SEMA6D: variants seen among roughly 807,000 people sequenced by gnomAD.
SEMA6D encodes semaphorin-6D.
SEMA6D carries 35 observed loss-of-function variants against 106.6 expected under a neutral mutation model. The ratio of observed to expected loss-of-function variants is 0.33; its 90% CI spans 0.25 to 0.44. The LOEUF is 0.44. Ranked by LOEUF, SEMA6D falls within the 20% of genes least tolerant of loss-of-function variation. The probability of loss-of-function intolerance (pLI) is 1.00; values close to 1 mark genes in which losing one functional copy is unlikely to be tolerated. For missense variants in SEMA6D, 1,185 were observed against 1,345.9 expected (o/e 0.88, Z 1.87); for synonymous variants, 499 against 487.7 (o/e 1.02, Z -0.31).
chr15:47,711,500 A>C lies in SEMA6D; in HGVS notation c.-54-48245A>C, dbSNP rs148866060. ...TCTAGGACATAAATGAACCCCCCGT[A>C]ACTGGGACTGGTGGAGGGAGCACTT... is the stretch of plus-strand genomic sequence containing the variant. On this transcript the variant is annotated intron_variant, in intron 4 of 19. Coordinates refer to the SEMA6D transcript ENST00000558014. 6.7e-3 allele frequency among the ~76,000 whole-genome samples: 1,018 copies of C among 152,232 alleles called. 15 individuals carry two copies. The highest frequency in any genetic ancestry group is 0.023 in the African/African-American group (970 of 41,520).
intron 3 of SEMA6D, among the ~76,000 whole-genome samples, chr15:47,558,715 A>C (rs927500704): frequency 3.9e-5 from 6 of 152,136 alleles, no homozygotes; most frequent in Non-Finnish European, 7.4e-5. Context: ...AATCTATGAG[A>C]CATGGAAAAT....
chr15:47,469,732 T>C (rs551123643), intron 2 of SEMA6D, among the ~76,000 whole-genome samples: 127 of 152,182 alleles, frequency 8.3e-4, no homozygotes, highest in Non-Finnish European at 1.4e-3. Context: ...CTCCCAGGTA[T>C]GCTTACCTCC....
intron 1 of SEMA6D, among the ~76,000 whole-genome samples, chr15:47,741,840 G>A (rs1009740541): frequency 1.3e-5 from 2 of 152,166 alleles, no homozygotes; most frequent in African/African-American, 4.8e-5. Flanking sequence ...ATAAGCCATA[G>A]ATCCTGCCTT....
chr15:47,647,837 G>T (rs2077611345), intron 4 of SEMA6D, among the ~76,000 whole-genome samples: 1 of 151,928 alleles, frequency 6.6e-6, no homozygotes, highest in African/African-American at 2.4e-5. Flanking sequence ...ATACATATTT[G>T]CTCAGAAACA....
chr15:47,389,468 T>C lies in SEMA6D; in HGVS notation c.-238-22925T>C, dbSNP rs140211044. 9.2e-5 allele frequency among the ~76,000 whole-genome samples: 14 copies of C among 152,202 alleles called. No homozygotes were observed. The East Asian group carries it at 2.5e-3, about 27-fold the overall frequency. The stretch of plus-strand genomic sequence containing the variant: ...TCACTGAAATGCTTTGACCCACTTA[T>C]TCCATTTCTAGGAATCCACTCACTC... On this transcript the variant is annotated intron_variant, in intron 1 of 19. Transcript: ENST00000558014.
At chr15:47,296,106 A>G (rs940257267) in intron 1 of SEMA6D, among the ~76,000 whole-genome samples, 1 of 152,196 alleles carries the variant, frequency 6.6e-6, no homozygotes, top group Non-Finnish European at 1.5e-5. Flanking sequence ...TAGTTTAGTT[A>G]AAGACTTGCA....
intron 1 of SEMA6D, among the ~76,000 whole-genome samples, chr15:47,758,690 C>T (rs2081903639): frequency 6.6e-6 from 1 of 152,082 alleles, no homozygotes; most frequent in Admixed American, 6.6e-5. Context: ...TATGAAGCAT[C>T]ACTTCAATAA....
Position 47,435,439 on chromosome 15 carries a change from A to G in SEMA6D, c.-159+22967A>G, listed in dbSNP as rs376357206. Among the ~76,000 whole-genome samples the G allele has an allele frequency of 2.6e-4, 39 of 152,180 alleles. No homozygotes were observed. The East Asian group carries it at 7.4e-3, about 29-fold the overall frequency. On this transcript the variant is annotated intron_variant, in intron 2 of 19. Coordinates refer to the SEMA6D transcript ENST00000558014. The stretch of plus-strand genomic sequence containing the variant: ...GTTTTTCCTCCTTATGCCCTGTAAT[A>G]TACACTCTCAAAGGCCCTGATAAGA...
intron 1 of SEMA6D, among the ~76,000 whole-genome samples, chr15:47,334,646 CA>C (rs2037478422): frequency 6.6e-6 from 1 of 152,108 alleles, no homozygotes; most frequent in Admixed American, 6.6e-5. Flanking sequence ...CAATTGGTGT[CA>C]AAAGTGGGAT....
At chr15:47,618,559 G>A (rs144544363) in intron 4 of SEMA6D, among the ~76,000 whole-genome samples, 3 of 152,332 alleles carry the variant, frequency 2.0e-5, no homozygotes, top group Admixed American at 1.3e-4. Context: ...GGTCACTTTT[G>A]TGTGATGTAG....
At chr15:47,229,432 A>G (rs1011523412) in intron 1 of SEMA6D, among the ~76,000 whole-genome samples, 1 of 151,986 alleles carries the variant, frequency 6.6e-6, no homozygotes, top group African/African-American at 2.4e-5. Flanking sequence ...GATAATACAT[A>G]CTGAAATTTG....
intron 3 of SEMA6D, among the ~76,000 whole-genome samples, chr15:47,509,780 A>G (rs147486126): frequency 1.3e-5 from 2 of 152,328 alleles, no homozygotes; most frequent in African/African-American, 4.8e-5. Flanking sequence ...TGAACTAGGA[A>G]CATCAACATC....
rs71118160 is a variant in SEMA6D at position 47,225,519 on chromosome 15, GTTTTTTTTTT to G, written c.-239+41119_-239+41128del. 1.3e-3 allele frequency among the ~76,000 whole-genome samples: 121 copies of G among 92,276 alleles called. 1 individual carries two copies. Among genetic ancestry groups the G allele is most frequent in the East Asian group, 3.8e-3 (15 of 3,932 alleles). The allele number at this position is 92,276 out of a possible 152,430, so 60.5% of individuals were successfully genotyped here. A position where few individuals can be genotyped will look rare whatever the true frequency, so the allele number is the denominator to read the frequency against. ...ATCGGGTGTTTTTTTCTTGTTGAGG[GTTTTTTTTTT>G]TTTTTTTTTTTTTTTTTGATGGGGT... On this transcript the variant is annotated intron_variant, in intron 1 of 19. Coordinates refer to the SEMA6D transcript ENST00000558014.
intron 1 of SEMA6D, among the ~76,000 whole-genome samples, chr15:47,287,414 T>G (rs762484405): frequency 1.3e-5 from 2 of 152,198 alleles, no homozygotes; most frequent in African/African-American, 4.8e-5. Flanking sequence ...GCTAAATCTT[T>G]GAATGTCAGA....
chr15:47,507,907 G>T (rs2044101516), intron 3 of SEMA6D, among the ~76,000 whole-genome samples: 1 of 152,182 alleles, frequency 6.6e-6, no homozygotes, highest in African/African-American at 2.4e-5. Context: ...GTACCTTCGG[G>T]CTACAGATGG....
chr15:47,527,221 G>A (rs960785234), intron 3 of SEMA6D, among the ~76,000 whole-genome samples: 3 of 152,122 alleles, frequency 2.0e-5, no homozygotes, highest in African/African-American at 7.2e-5. Context: ...GAAAGAAGCA[G>A]CTCTAATTTT....
intron 1 of SEMA6D, among the ~76,000 whole-genome samples, chr15:47,287,143 G>A (rs1369876679): frequency 2.0e-5 from 3 of 152,132 alleles, no homozygotes; most frequent in African/African-American, 7.2e-5. Flanking sequence ...CCTGATGTGG[G>A]AAGAATAAAA....
At chr15:47,286,863 C>T (rs2035386250) in intron 1 of SEMA6D, among the ~76,000 whole-genome samples, 1 of 152,106 alleles carries the variant, frequency 6.6e-6, no homozygotes, top group Non-Finnish European at 1.5e-5. Flanking sequence ...GTGGCTGATA[C>T]CCTATCTTCT....
At chr15:47,356,311 C>G (rs570199515) in intron 1 of SEMA6D, among the ~76,000 whole-genome samples, 1 of 152,266 alleles carries the variant, frequency 6.6e-6, no homozygotes, top group East Asian at 1.9e-4. Flanking sequence ...GACAAGAGCT[C>G]TCCTGTCTCC....
Sources: allele counts gnomAD v4.1 joint callset (sites outside exome capture counted in the v4.1 genomes callset), GRCh38; gene constraint gnomAD v4.1.1; transcripts MANE v1.5; gene names NCBI Gene and HGNC (gene_info 2026-07-23, HGNC 2026-07-21).